Variants in CNTNAP5 observed in about 807,000 individuals in gnomAD.
The protein encoded by CNTNAP5 is contactin-associated protein-like 5.
CNTNAP5 carries 72 observed loss-of-function variants against 150.2 expected under a neutral mutation model. The ratio of observed to expected loss-of-function variants is 0.48; its 90% CI spans 0.40 to 0.58. CNTNAP5 has a LOEUF of 0.58. Ranked by LOEUF, CNTNAP5 falls within the 20% of genes least tolerant of loss-of-function variation. The pLI is 0.00. For synonymous variants in CNTNAP5, 672 were observed against 619.8 expected (o/e 1.08, Z -1.25); for missense variants, 1,636 against 1,626.2 (o/e 1.01, Z -0.10).
intron 1 of CNTNAP5, among the ~76,000 whole-genome samples, chr2:124,138,899 T>C (rs1423900305): frequency 7.9e-5 from 12 of 151,956 alleles, no homozygotes; most frequent in Non-Finnish European, 5.9e-5. Flanking sequence ...AGAAGCCATG[T>C]CCTGCCCATC....
At chr2:124,334,863 A>G (rs1689432822) in intron 3 of CNTNAP5, among the ~76,000 whole-genome samples, 1 of 152,052 alleles carries the variant, frequency 6.6e-6, no homozygotes, top group South Asian at 2.1e-4. Context: ...CTTAAAGAAT[A>G]TATTGTCTGG....
At chr2:124,459,596 A>T (rs780978689) in intron 6 of CNTNAP5, among the ~76,000 whole-genome samples, 1 of 151,840 alleles carries the variant, frequency 6.6e-6, no homozygotes, top group Non-Finnish European at 1.5e-5. Flanking sequence ...TACTAAAAAC[A>T]CAAAAATTAA....
At chr2:124,419,153 A>AAAAAAAAAAAAAC (rs1553466545) in intron 4 of CNTNAP5, among the ~76,000 whole-genome samples, 25 of 76,396 alleles carry the variant, frequency 3.3e-4, no homozygotes, top group African/African-American at 6.2e-4. Context: ...AAAAAAAAAA[A>AAAAAAAAAAAAAC]AAAAAAAAAA....
chr2:124,091,427 T>C (rs890110871), intron 1 of CNTNAP5, among the ~76,000 whole-genome samples: 1 of 152,132 alleles, frequency 6.6e-6, no homozygotes, highest in Non-Finnish European at 1.5e-5. Context: ...GGGTGATTGC[T>C]AGAACCTGGT....
At chr2:124,388,994 GCGGCTGAA>G (rs2104746296) in intron 3 of CNTNAP5, among the ~76,000 whole-genome samples, 1 of 152,248 alleles carries the variant, frequency 6.6e-6, no homozygotes, top group South Asian at 2.1e-4. Context: ...CTGAACCAAA[GCGGCTGAA>G]CGATGTCAAC....
intron 13 of CNTNAP5, among the ~76,000 whole-genome samples, chr2:124,744,257 T>C (rs757261168): frequency 1.1e-4 from 17 of 152,200 alleles, no homozygotes; most frequent in African/African-American, 2.4e-4. Context: ...ATAAGGGGTT[T>C]ACCCTTTCAC....
intron 1 of CNTNAP5, among the ~76,000 whole-genome samples, chr2:124,059,715 G>T (rs978463708): frequency 1.3e-5 from 2 of 151,960 alleles, no homozygotes; most frequent in African/African-American, 2.4e-5. Flanking sequence ...CTGGCATGTT[G>T]CTGTCAGCCT....
chr2:124,232,201 A>G (rs1686639974), intron 2 of CNTNAP5, among the ~76,000 whole-genome samples: 1 of 152,166 alleles, frequency 6.6e-6, no homozygotes, highest in African/African-American at 2.4e-5. Flanking sequence ...TAGAATTAAG[A>G]GCATGATTAT....
At chr2:124,673,959 A>C (rs1678874819) in intron 13 of CNTNAP5, among the ~76,000 whole-genome samples, 1 of 152,096 alleles carries the variant, frequency 6.6e-6, no homozygotes, top group African/African-American at 2.4e-5. Context: ...TTAATTTTAG[A>C]ATACTTTAAC....
chr2:124,834,107 T>G (rs2104684593), intron 19 of CNTNAP5, among the ~76,000 whole-genome samples: 1 of 152,304 alleles, frequency 6.6e-6, no homozygotes, highest in South Asian at 2.1e-4. Context: ...TAGTTACTAT[T>G]AGTATTATTC....
At chr2:124,657,042 T>C (rs2105039563) in intron 13 of CNTNAP5, among the ~76,000 whole-genome samples, 1 of 152,200 alleles carries the variant, frequency 6.6e-6, no homozygotes, top group East Asian at 1.9e-4. Context: ...ACTGCTGTTA[T>C]TTTAGCCAGT....
intron 3 of CNTNAP5, among the ~76,000 whole-genome samples, 171 bp from the exon 4 acceptor site, chr2:124,417,272 T>C (rs574535297): frequency 6.6e-6 from 1 of 152,276 alleles, no homozygotes; most frequent in East Asian, 1.9e-4. Context: ...TGTGAAGTAT[T>C]TCTGAAAACA....
chr2:124,818,825 A>C (rs1228069034), intron 19 of CNTNAP5, among the ~76,000 whole-genome samples: 1 of 152,048 alleles, frequency 6.6e-6, no homozygotes, highest in African/African-American at 2.4e-5. Context: ...GCAGTACACA[A>C]TCTGGCCCTT....
chr2:124,115,770 A>C (rs1381102680), intron 1 of CNTNAP5, among the ~76,000 whole-genome samples: 1 of 144,576 alleles, frequency 6.9e-6, no homozygotes, highest in South Asian at 2.3e-4. Context: ...GACTACAGGC[A>C]GATGCCACCA....
intron 13 of CNTNAP5, among the ~76,000 whole-genome samples, chr2:124,669,005 T>A (rs1678755678): frequency 6.6e-6 from 1 of 152,210 alleles, no homozygotes; most frequent in African/African-American, 2.4e-5. Flanking sequence ...TTGGTAACAT[T>A]ACATTTTGCT....
At chr2:124,205,854 C>T (rs1346360445) in intron 1 of CNTNAP5, among the ~76,000 whole-genome samples, 8 of 152,022 alleles carry the variant, frequency 5.3e-5, no homozygotes, top group Non-Finnish European at 2.9e-5. Context: ...TCTGGTAGAT[C>T]CTGAAGATGT....
chr2:124,647,360 C>G (rs184861493), intron 12 of CNTNAP5, among the ~76,000 whole-genome samples: 5 of 152,238 alleles, frequency 3.3e-5, no homozygotes, highest in African/African-American at 1.2e-4. Context: ...GCTTTGGAGT[C>G]AGACATCCTA....
intron 3 of CNTNAP5, among the ~76,000 whole-genome samples, chr2:124,260,894 T>G (rs1178651042): frequency 6.6e-6 from 1 of 152,160 alleles, no homozygotes; most frequent in Non-Finnish European, 1.5e-5. Context: ...CGTACACAAA[T>G]GGAGTGCAAT....
At chr2:124,174,000 T>A (rs771959959) in intron 1 of CNTNAP5, among the ~76,000 whole-genome samples, 4 of 151,928 alleles carry the variant, frequency 2.6e-5, no homozygotes, top group Non-Finnish European at 5.9e-5. Context: ...TATGCTGATA[T>A]AATCTACTTG....
Sources: gnomAD v4.1 joint callset for allele counts (sites outside exome capture counted in the v4.1 genomes callset) on GRCh38, gnomAD v4.1.1 for gene constraint, MANE v1.5 for transcripts, NCBI Gene and HGNC (gene_info 2026-07-23, HGNC 2026-07-21) for gene names.